The following ARHGEF3 variants were observed in gnomAD, a reference collection of about 807,000 sequenced individuals.
ARHGEF3 encodes the protein Rho guanine nucleotide exchange factor 3.
In ARHGEF3, 28 loss-of-function variants were observed where a neutral mutation model predicts 63.2. The observed-to-expected ratio is 0.44, with a 90% CI of 0.33 to 0.61. ARHGEF3 has a LOEUF of 0.61. Ranked by LOEUF, ARHGEF3 falls within the 20% of genes least tolerant of loss-of-function variation. The probability of loss-of-function intolerance (pLI) is 0.03; values close to 1 mark genes in which losing one functional copy is unlikely to be tolerated. For synonymous variants in ARHGEF3, 266 were observed against 254.2 expected (o/e 1.05, Z -0.44); for missense variants, 533 against 659.3 (o/e 0.81, Z 2.10).
In ARHGEF3 at chr3:56,878,333, C is replaced by T. The variant is rs545150863; in HGVS notation, c.192+3959G>A. On this transcript the variant is annotated intron_variant, in intron 4 of 12. Coordinates refer to the ARHGEF3 transcript ENST00000338458. Reference sequence around the variant, plus strand: ...GTGGCTGCTGGGAGCCTTCTCCACTCGGCAGATTGCTCTCAAAAGTGTACG... The same window carrying T: ...GTGGCTGCTGGGAGCCTTCTCCACTTGGCAGATTGCTCTCAAAAGTGTACG... Among the ~76,000 whole-genome samples the T allele has an allele frequency of 3.9e-5, 6 of 152,270 alleles. No individual in the cohort carries two copies. In the South Asian group the frequency reaches 6.2e-4, roughly 16 times the overall value.
chr3:56,735,906 T>C (rs1463892088), intron 8 of ARHGEF3, among the ~76,000 whole-genome samples: 1 of 152,206 alleles, frequency 6.6e-6, no homozygotes, highest in Non-Finnish European at 1.5e-5. Flanking sequence ...ACTAAACGGA[T>C]GTCCCTTGAA....
At chr3:57,054,885 A>G (rs1311658516) in intron 1 of ARHGEF3, among the ~76,000 whole-genome samples, 5 of 151,644 alleles carry the variant, frequency 3.3e-5, no homozygotes, top group Admixed American at 6.6e-5. Context: ...TCCTGACCTC[A>G]TGATCTGCCC....
chr3:56,948,167 G>C (rs1266188647), intron 3 of ARHGEF3, among the ~76,000 whole-genome samples: 3 of 152,054 alleles, frequency 2.0e-5, no homozygotes, highest in Admixed American at 1.3e-4. Context: ...ATGCCCACAA[G>C]AGAAAGCAGG....
intron 3 of ARHGEF3, chr3:56,940,967 C>T (rs1258110518): frequency 6.6e-6 from 1 of 152,194 alleles, no homozygotes; most frequent in Non-Finnish European, 1.5e-5. Flanking sequence ...TACCTTTTCA[C>T]CATCTAAGCA....
intron 1 of ARHGEF3, chr3:57,074,219 G>A: frequency 6.2e-7 from 1 of 1,613,924 alleles, no homozygotes; most frequent in Non-Finnish European, 8.5e-7. Context: ...GCTTTGTCAG[G>A]TCCCTCTCTA....
intron 4 of ARHGEF3, among the ~76,000 whole-genome samples, chr3:56,827,561 C>T (rs116258515): frequency 0.011 from 1,724 of 152,042 alleles, 17 homozygotes; most frequent in Non-Finnish European, 0.016. Context: ...GTGACAGCCT[C>T]ACTTACCAAG....
chr3:57,026,008 C>T (rs1703458180), intron 2 of ARHGEF3, among the ~76,000 whole-genome samples: 1 of 152,102 alleles, frequency 6.6e-6, no homozygotes, highest in Non-Finnish European at 1.5e-5. Flanking sequence ...CAAGACTCCC[C>T]CCATTCACAC....
intron 3 of ARHGEF3, among the ~76,000 whole-genome samples, chr3:56,883,490 T>C (rs2108262638): frequency 6.6e-6 from 1 of 151,920 alleles, no homozygotes; most frequent in African/African-American, 2.4e-5. Context: ...AGAGAGGGGG[T>C]CTTGCCATGT....
intron 4 of ARHGEF3, among the ~76,000 whole-genome samples, chr3:56,839,076 C>A (rs1160310413): frequency 6.6e-6 from 1 of 152,018 alleles, no homozygotes; most frequent in Non-Finnish European, 1.5e-5. Context: ...GAGTTCAAGG[C>A]AGCAGTGAGC....
intron 1 of ARHGEF3, among the ~76,000 whole-genome samples, chr3:56,786,790 A>C (rs1371398122): frequency 2.0e-5 from 3 of 152,132 alleles, no homozygotes; most frequent in Non-Finnish European, 2.9e-5. Context: ...TCCCAGCATC[A>C]CTCTCAGCTA....
chr3:56,833,249 ACTT>A (rs2038990690), intron 4 of ARHGEF3, among the ~76,000 whole-genome samples: 1 of 152,088 alleles, frequency 6.6e-6, no homozygotes, highest in African/African-American at 2.4e-5. Context: ...CCTCACCAAC[ACTT>A]CTTCTTTTTT....
chr3:56,981,036 C>A (rs996802937), intron 2 of ARHGEF3, among the ~76,000 whole-genome samples: 2 of 152,222 alleles, frequency 1.3e-5, no homozygotes, highest in African/African-American at 4.8e-5. Flanking sequence ...CTGGCCCCTG[C>A]AGACGTCTGA....
chr3:56,858,665 AG>A (rs2039966110), intron 4 of ARHGEF3, among the ~76,000 whole-genome samples: 2 of 152,240 alleles, frequency 1.3e-5, no homozygotes, highest in Non-Finnish European at 2.9e-5. Context: ...GGCCTTTGCA[AG>A]GAGGTGACAT....
chr3:56,886,704 C>G (rs2040936783), intron 3 of ARHGEF3, among the ~76,000 whole-genome samples: 1 of 152,160 alleles, frequency 6.6e-6, no homozygotes, highest in Non-Finnish European at 1.5e-5. Flanking sequence ...ACATGTCAGG[C>G]ACAGAGCTAA....
intron 3 of ARHGEF3, among the ~76,000 whole-genome samples, chr3:56,926,316 G>T (rs1239509335): frequency 2.6e-5 from 4 of 152,226 alleles, no homozygotes; most frequent in Admixed American, 2.0e-4. Context: ...GGGATGAGAT[G>T]CTTGGAGCCA....
chr3:56,788,048 GA>G (rs1259480845), intron 1 of ARHGEF3, among the ~76,000 whole-genome samples: 1 of 152,158 alleles, frequency 6.6e-6, no homozygotes, highest in Non-Finnish European at 1.5e-5. Context: ...TGTGGAGGAG[GA>G]CAGAATGTTC....
At chr3:57,005,768 T>C (rs1702443063) in intron 2 of ARHGEF3, among the ~76,000 whole-genome samples, 1 of 152,192 alleles carries the variant, frequency 6.6e-6, no homozygotes, top group South Asian at 2.1e-4. Context: ...CAGAGAATAA[T>C]GTTTGCTGGG....
At chr3:56,949,059 C>T (rs1331826382) in intron 3 of ARHGEF3, among the ~76,000 whole-genome samples, 2 of 151,956 alleles carry the variant, frequency 1.3e-5, no homozygotes, top group African/African-American at 4.8e-5. Flanking sequence ...GCAGAAAAGG[C>T]CTTTGACAAA....
At chr3:56,972,647 T>C (rs183791458) in intron 2 of ARHGEF3, among the ~76,000 whole-genome samples, 2 of 152,008 alleles carry the variant, frequency 1.3e-5, no homozygotes, top group African/African-American at 4.8e-5. Flanking sequence ...TCATGCAAAG[T>C]TCCTGGGGCA....
Sources: gnomAD v4.1 joint callset for allele counts (sites outside exome capture counted in the v4.1 genomes callset) on GRCh38, gnomAD v4.1.1 for gene constraint, MANE v1.5 for transcripts, NCBI Gene and HGNC (gene_info 2026-07-23, HGNC 2026-07-21) for gene names.